Variants in WDR27 observed in about 807,000 individuals in gnomAD.
WDR27 encodes the protein WD repeat domain 27.
In WDR27, 100 loss-of-function variants were observed where a neutral mutation model predicts 114.4. The ratio of observed to expected loss-of-function variants is 0.87; its 90% CI spans 0.74 to 1.03. The LOEUF (loss-of-function observed/expected upper bound fraction) is 1.03. Among genes scored for constraint, WDR27 ranks in the 50% least tolerant of loss-of-function variants. WDR27 has a pLI of 0.00. For synonymous variants in WDR27, 449 were observed against 423.1 expected (o/e 1.06, Z -0.75); for missense variants, 1,129 against 1,092.9 (o/e 1.03, Z -0.47).
intron 3 of WDR27, 200 bp from the exon 4 acceptor site, chr6:169,670,893 A>G: frequency 1.6e-6 from 1 of 631,242 alleles, no homozygotes; most frequent in Non-Finnish European, 2.6e-6. Flanking sequence ...GGAATGCAGC[A>G]CTTCCCTGCA....
Position 169,665,473 on chromosome 6 carries a change from G to T in WDR27, c.783+13C>A. 6.2e-7 allele frequency: 1 copy of T among 1,611,222 alleles called. No individual in the cohort carries two copies. The highest frequency in any genetic ancestry group is 1.3e-5 in the African/African-American group (1 of 74,874). On this transcript the variant is annotated intron_variant, in intron 7 of 25. Transcript: ENST00000448612. ...TGTCTGGGAACTGGAACTTAACTCT[G>T]TGGCTGTCTCACCTGGCCGTCAGCA... is the stretch of plus-strand genomic sequence containing the variant.
chr6:169,662,441 T>C lies in WDR27; in HGVS notation c.905-17A>G. On this transcript the variant is annotated splice_polypyrimidine_tract_variant and intron_variant, in intron 8 of 25. Transcript: ENST00000448612. ...GGCTTTCTTCTAGGGACAGAATTAT[T>C]GAGAATCTAAGAAGTGAACTTAAAT... The C allele has an allele frequency of 6.2e-7, 1 of 1,613,034 alleles. No individual in the cohort carries two copies.
At chr6:169,628,374 T>C (rs1025776150) in intron 21 of WDR27, among the ~76,000 whole-genome samples, 2 of 152,120 alleles carry the variant, frequency 1.3e-5, no homozygotes, top group Non-Finnish European at 2.9e-5. Context: ...GACTCCACAT[T>C]TGGAGCCTCA....
the WDR27 span, among the ~76,000 whole-genome samples, chr6:169,449,419 C>A: frequency 6.6e-6 from 1 of 152,132 alleles, no homozygotes; most frequent in Non-Finnish European, 1.5e-5. Flanking sequence ...AATTGTGCAA[C>A]GAGTGGTGTT....
At chr6:169,428,689 G>T in the WDR27 span, among the ~76,000 whole-genome samples, 2 of 152,158 alleles carry the variant, frequency 1.3e-5, no homozygotes, top group Non-Finnish European at 2.9e-5. Flanking sequence ...AGGCAGCAGA[G>T]CCTGCAGTGA....
intron 25 of WDR27, among the ~76,000 whole-genome samples, chr6:169,479,420 C>T (rs1787641885): frequency 6.6e-6 from 1 of 151,946 alleles, no homozygotes; most frequent in Non-Finnish European, 1.5e-5. Flanking sequence ...TCACAAAAGA[C>T]AAAGAAGGAC....
intron 25 of WDR27, among the ~76,000 whole-genome samples, chr6:169,555,923 T>C (rs1044451228): frequency 6.6e-6 from 1 of 152,120 alleles, no homozygotes; most frequent in African/African-American, 2.4e-5. Context: ...GATACTCATA[T>C]AGGGAAAAAT....
intron 16 of WDR27, among the ~76,000 whole-genome samples, chr6:169,644,899 C>G (rs1159590233): frequency 2.0e-5 from 2 of 100,494 alleles, no homozygotes; most frequent in Non-Finnish European, 3.7e-5. Flanking sequence ...GTCCCAGCTA[C>G]TTGGGAGGCT....
intron 21 of WDR27, among the ~76,000 whole-genome samples, chr6:169,630,203 T>C (rs1815995864): frequency 6.6e-6 from 1 of 152,170 alleles, no homozygotes; most frequent in African/African-American, 2.4e-5. Context: ...GAATAATATA[T>C]CAACAAATTT....
At chr6:169,563,166 C>T (rs952211160) in intron 25 of WDR27, among the ~76,000 whole-genome samples, 11 of 152,238 alleles carry the variant, frequency 7.2e-5, no homozygotes, top group African/African-American at 2.4e-4. Context: ...CTGCTCAGTC[C>T]GCCCTGGACG....
At chr6:169,648,160 T>C (rs531752066) in intron 15 of WDR27, among the ~76,000 whole-genome samples, 2 of 152,266 alleles carry the variant, frequency 1.3e-5, no homozygotes, top group South Asian at 2.1e-4. Flanking sequence ...ACTGTGACGA[T>C]TTGGGGGTGA....
At chr6:169,461,215 C>T (rs756211908) in intron 25 of WDR27, among the ~76,000 whole-genome samples, 1 of 152,056 alleles carries the variant, frequency 6.6e-6, no homozygotes, top group Non-Finnish European at 1.5e-5. Flanking sequence ...ATGGATAGGA[C>T]AACCAGACAG....
At chr6:169,591,808 T>C (rs1441429077) in intron 23 of WDR27, among the ~76,000 whole-genome samples, 10 of 152,072 alleles carry the variant, frequency 6.6e-5, no homozygotes, top group Non-Finnish European at 1.0e-4. Flanking sequence ...GCCTTGGGAA[T>C]TGGCTGTTGC....
Position 169,481,694 on chromosome 6 carries a change from A to G in WDR27, c.2646-24060T>C, listed in dbSNP as rs574920641. On this transcript the variant is annotated intron_variant, in intron 25 of 25. Coordinates refer to ENST00000448612, the MANE Select transcript of WDR27 (RefSeq NM_182552.5). Reference sequence around the variant, plus strand: ...TGCAGCTTCACTTCTGAAGCCAGTGAAACCACGAACCCACTGGGAGAGATG... The same window carrying G: ...TGCAGCTTCACTTCTGAAGCCAGTGGAACCACGAACCCACTGGGAGAGATG... Among the ~76,000 whole-genome samples, 308 of 152,250 alleles carry G rather than the reference A, an allele frequency of 2.0e-3. 3 individuals carry two copies. The Middle Eastern group carries it at 0.02, about 10-fold the overall frequency.
chr6:169,666,119 A>G (rs1460335629), intron 6 of WDR27, among the ~76,000 whole-genome samples: 1 of 152,254 alleles, frequency 6.6e-6, no homozygotes, highest in Non-Finnish European at 1.5e-5. Flanking sequence ...ATATTGAAAA[A>G]TACTACATAT....
chr6:169,515,251 A>G (rs77596910), intron 25 of WDR27, among the ~76,000 whole-genome samples: 1 of 152,290 alleles, frequency 6.6e-6, no homozygotes, highest in African/African-American at 2.4e-5. Flanking sequence ...GAAATGGAGA[A>G]GGAGACCCGG....
chr6:169,670,996 C>T (rs1388633194), intron 3 of WDR27: 4 of 268,248 alleles, frequency 1.5e-5, no homozygotes, highest in African/African-American at 6.6e-5. Flanking sequence ...CTGCATGTTT[C>T]GATGCTTCTC....
chr6:169,662,526 C>T, intron 8 of WDR27, 102 bp from the exon 9 acceptor site: 1 of 1,443,154 alleles, frequency 6.9e-7, no homozygotes, highest in Non-Finnish European at 9.4e-7. Context: ...TGAATGTGCA[C>T]CGTGGAGTCA....
In WDR27 at chr6:169,691,921, G is replaced by C. The variant is rs143366975; in HGVS notation, c.-7-2909C>G. Among the ~76,000 whole-genome samples the C allele has an allele frequency of 2.6e-5, 4 of 152,312 alleles. No homozygotes were observed. The East Asian group carries it at 7.7e-4, about 29-fold the overall frequency. On this transcript the variant is annotated intron_variant, in intron 1 of 25. Transcript: ENST00000448612. The stretch of plus-strand genomic sequence containing the variant: ...AAAGGCATGTGGATACTCATACTGT[G>C]AAGTTTTGTTCCAAGAACCACTGCA...
Sources: gnomAD v4.1 joint callset for allele counts (sites outside exome capture counted in the v4.1 genomes callset) on GRCh38, gnomAD v4.1.1 for gene constraint, MANE v1.5 for transcripts, NCBI Gene and HGNC (gene_info 2026-07-23, HGNC 2026-07-21) for gene names.